Variants in SYNJ1 observed in about 807,000 individuals in gnomAD.
SYNJ1 encodes polyphosphatidylinositol phosphatase SYNJ1.
Under a neutral mutation model 168.2 loss-of-function variants are expected in SYNJ1, and 78 were observed. That is an observed-to-expected ratio of 0.46 (90% CI 0.39 to 0.56). The LOEUF is 0.56. Among genes scored for constraint, SYNJ1 ranks in the 20% least tolerant of loss-of-function variants. The pLI, the probability that SYNJ1 is intolerant of heterozygous loss-of-function variation, is 0.00. For missense variants in SYNJ1, 1,303 were observed against 1,597.6 expected, an observed-to-expected ratio of 0.82 and a Z score of 3.14; for synonymous variants, 539 against 548.6, an observed-to-expected ratio of 0.98 and a Z score of 0.24.
chr21:32,654,685 A>T lies in SYNJ1; in HGVS notation c.2796-1319T>A, dbSNP rs560224528. 3.3e-5 allele frequency among the ~76,000 whole-genome samples: 5 copies of T among 152,282 alleles called. No individual in the cohort carries two copies. The South Asian group carries it at 1.0e-3, about 32-fold the overall frequency. On this transcript the variant is annotated intron_variant, in intron 21 of 32. Transcript: ENST00000674351. ...ACTTTAACAAGGGATTCTGGTTCTTATATCTATTGATTTATGTAAGTTCTT... is the reference window on the plus strand; with the variant it reads ...ACTTTAACAAGGGATTCTGGTTCTTTTATCTATTGATTTATGTAAGTTCTT...
At position 32,645,802 on chromosome 21, in the gene SYNJ1, CAGG is replaced by C. The variant is rs1441504541; in HGVS notation, c.3248-16_3248-14del. The C allele has an allele frequency of 6.7e-7, 1 of 1,492,128 alleles. No individual in the cohort carries two copies. The highest frequency in any genetic ancestry group is 2.3e-5 in the Admixed American group (1 of 43,798). The allele number at this position is 1,492,128 out of a possible 1,614,324, so 92.4% of individuals were successfully genotyped here. A position where few individuals can be genotyped will look rare whatever the true frequency, so the allele number is the denominator to read the frequency against. The stretch of plus-strand genomic sequence containing the variant: ...TCAATAGGAGAACCTAAAAAGCGCA[CAGG>C]AGGTAAGAAGATCAGCTTCTAAGTA... On this transcript the variant is annotated splice_polypyrimidine_tract_variant and intron_variant, in intron 24 of 32. Coordinates refer to ENST00000674351, the MANE Select transcript of SYNJ1 (RefSeq NM_203446.3).
intron 32 of SYNJ1, among the ~76,000 whole-genome samples, chr21:32,634,090 G>C (rs1413477680): frequency 6.6e-6 from 1 of 152,208 alleles, no homozygotes; most frequent in Non-Finnish European, 1.5e-5. Context: ...AGACATTATA[G>C]GAAAGGAGAA....
intron 4 of SYNJ1, 89 bp from the exon 5 acceptor site, chr21:32,695,371 A>T (rs1475649005): frequency 4.1e-6 from 5 of 1,215,270 alleles, no homozygotes; most frequent in Non-Finnish European, 5.6e-6. Flanking sequence ...AATTAATTTA[A>T]TATTATTAAA....
chr21:32,693,406 T>TA (rs1458361287), intron 6 of SYNJ1, among the ~76,000 whole-genome samples: 6 of 152,216 alleles, frequency 3.9e-5, no homozygotes, highest in Non-Finnish European at 8.8e-5. Flanking sequence ...TGTTAACTCT[T>TA]AGACTGTCTT....
chr21:32,678,867 G>GT lies in SYNJ1; in HGVS notation c.1354-67dup. 11 of 1,557,478 alleles carry GT rather than the reference G, an allele frequency of 7.1e-6. No homozygotes were observed. The South Asian group carries it at 1.1e-4, about 16-fold the overall frequency. On this transcript the variant is annotated intron_variant, in intron 11 of 32. Coordinates refer to ENST00000674351, the MANE Select transcript of SYNJ1 (RefSeq NM_203446.3). ...AAATATTACTGATTTTACTCATTAGGTTTTTTGAAATTTTAAATCAGTTTT... is the reference window on the plus strand; with the variant it reads ...AAATATTACTGATTTTACTCATTAGGTTTTTTTGAAATTTTAAATCAGTTTT...
chr21:32,647,355 T>C (rs2040113217), intron 23 of SYNJ1, among the ~76,000 whole-genome samples: 3 of 152,204 alleles, frequency 2.0e-5, no homozygotes, highest in Non-Finnish European at 4.4e-5. Context: ...GTAAGTCAGG[T>C]CCCGCACCAT....
rs144953723 is a variant in SYNJ1, at chr21:32,666,305, A to G, written c.1952+128T>C. ...GGTGAGTCTTTAATCAAAACCCCCA[A>G]AACCCCATTTTAAAACAAGAACTAT... On this transcript the variant is annotated intron_variant, in intron 16 of 32. Transcript: ENST00000674351. 8 of 1,478,848 alleles carry G rather than the reference A, an allele frequency of 5.4e-6. No individual in the cohort carries two copies. In the East Asian group the frequency reaches 1.8e-4, roughly 34 times the overall value. The allele number at this position is 1,478,848 out of a possible 1,614,324, so 91.6% of individuals were successfully genotyped here. A position where few individuals can be genotyped will look rare whatever the true frequency, so the allele number is the denominator to read the frequency against.
At chr21:32,643,044 T>C (rs1041731906) in intron 27 of SYNJ1, among the ~76,000 whole-genome samples, 1 of 152,222 alleles carries the variant, frequency 6.6e-6, no homozygotes, top group African/African-American at 2.4e-5. Context: ...TTATAATCAT[T>C]AATTTTTAAA....
chr21:32,645,770 C>G lies in SYNJ1; in HGVS notation c.3267G>C (p.Gln1089His). The G allele has an allele frequency of 6.8e-7, 1 of 1,469,690 alleles. No homozygotes were observed. The highest frequency in any genetic ancestry group is 2.5e-5 in the East Asian group (1 of 40,176). 91.0% of individuals were successfully genotyped at this position (1,469,690 alleles called of 1,614,324 possible). ...CTTTCTGCGGCAGCGGCGTTGCTGG[C>G]TGCGCGTCAATAGGAGAACCTAAAA... The part of the protein sequence containing the change: ...PSAQSSPIDA[Q>H]PATPLPQKDP... Residue 1089 changes from glutamine to histidine, a missense_variant, in exon 25 of 33, where the codon CAG (glutamine) becomes CAC (histidine). Gln to His is a conservative substitution (Grantham distance 24). This residue lies in a region of SYNJ1 where 383 missense variants were observed against 388.8 expected (regional missense o/e 0.99). Coordinates refer to ENST00000674351, the MANE Select transcript of SYNJ1 (RefSeq NM_203446.3).
intron 8 of SYNJ1, 134 bp from the exon 9 acceptor site, chr21:32,686,051 C>A (rs368097887): frequency 1.2e-6 from 1 of 812,470 alleles, no homozygotes; most frequent in African/African-American, 1.8e-5. Context: ...CTGAGAGATA[C>A]GGTGACACAA....
rs191969474 is a variant in SYNJ1, at chr21:32,650,230, G to A, written c.2991C>T (p.Thr997=). 17 of 1,613,324 alleles carry A rather than the reference G, an allele frequency of 1.1e-5. No homozygotes were observed. In the African/African-American group the frequency reaches 1.1e-4, roughly 10 times the overall value. Reference sequence around the variant, plus strand: ...CAACCTCTGCATCTTCACCAAGCAGGGTAGAGCTTGTTGATGATGGCAATG... The same window carrying A: ...CAACCTCTGCATCTTCACCAAGCAGAGTAGAGCTTGTTGATGATGGCAATG... ...SIALPSSTSS[T]LLGEDAEVAA... is the part of the protein sequence containing the mutation. The change falls in exon 23 of 33, where the codon ACC becomes ACT. Residue 997 remains threonine (T), a synonymous_variant. Transcript: ENST00000674351.
chr21:32,639,161 T>C, intron 30 of SYNJ1, 36 bp from the exon 31 acceptor site: 7 of 1,555,364 alleles, frequency 4.5e-6, no homozygotes, highest in Non-Finnish European at 6.1e-6. Flanking sequence ...TTAGGTATAT[T>C]CTAGAAAACC....
rs1242080370 is a variant in SYNJ1, at chr21:32,673,442, C to T, written c.1624G>A (p.Val542Met). The change falls in exon 14 of 33, where the codon GTG (valine) becomes ATG (methionine). Residue 542 changes from valine to methionine, a missense_variant. This residue lies in a region of SYNJ1 where 920 missense variants were observed against 1,208.8 expected (regional missense o/e 0.76). Transcript: ENST00000674351. The part of the protein sequence containing the change: ...KIRVCVGTWN[V>M]NGGKQFRSIA... Reference sequence around the variant, plus strand: ...CTGCGAAATTGCTTCCCACCATTCACATTCCAGGTTCCGACACATACTCGA... The same window carrying T: ...CTGCGAAATTGCTTCCCACCATTCATATTCCAGGTTCCGACACATACTCGA... The T allele has an allele frequency of 6.2e-7, 1 of 1,613,470 alleles. No individual in the cohort carries two copies. The highest frequency in any genetic ancestry group is 1.7e-5 in the Admixed American group (1 of 59,914).
chr21:32,671,619 T>A (rs902634550), intron 14 of SYNJ1, among the ~76,000 whole-genome samples: 1 of 152,188 alleles, frequency 6.6e-6, no homozygotes, highest in African/African-American at 2.4e-5. Flanking sequence ...TCCTCATCTG[T>A]AAAATTGGAA....
At chr21:32,697,298 G>T (rs2042245090) in intron 4 of SYNJ1, among the ~76,000 whole-genome samples, 2 of 152,146 alleles carry the variant, frequency 1.3e-5, no homozygotes, top group South Asian at 4.2e-4. Flanking sequence ...TAAGTGCAAG[G>T]GTATGCACAA....
rs1356809876 is a variant in SYNJ1 at position 32,645,641 on chromosome 21, G to A, written c.3391+5C>T. ...CTAGCAGAAATGGAAATAAAAGGTT[G>A]TCACCTGAAGGCGGAGGAGGTCTCT... On this transcript the variant is annotated splice_donor_5th_base_variant and intron_variant, in intron 25 of 32. Transcript: ENST00000674351. 6 of 1,527,762 alleles carry A rather than the reference G, an allele frequency of 3.9e-6. No individual in the cohort carries two copies. Among genetic ancestry groups the A allele is most frequent in the Non-Finnish European group, 5.2e-6 (6 of 1,144,568 alleles). 94.6% of individuals were successfully genotyped at this position (1,527,762 alleles called of 1,614,324 possible).
intron 31 of SYNJ1, among the ~76,000 whole-genome samples, chr21:32,636,164 C>T (rs1376296825): frequency 6.6e-6 from 1 of 152,098 alleles, no homozygotes; most frequent in African/African-American, 2.4e-5. Flanking sequence ...GTCTAGAATG[C>T]TGTGATTTTT....
At chr21:32,651,975 T>G (rs1462250927) in intron 22 of SYNJ1, among the ~76,000 whole-genome samples, 1 of 152,238 alleles carries the variant, frequency 6.6e-6, no homozygotes, top group Non-Finnish European at 1.5e-5. Context: ...CCCATTTGTG[T>G]TAATGTGTTT....
At chr21:32,678,620 C>A (rs762368811) in intron 12 of SYNJ1, 25 bp downstream of exon 12, 2 of 1,514,476 alleles carry the variant, frequency 1.3e-6, no homozygotes, top group Non-Finnish European at 1.8e-6. Flanking sequence ...ATATAAATAA[C>A]AAATAAAATA....
Sources: gnomAD v4.1 joint callset for allele counts (sites outside exome capture counted in the v4.1 genomes callset) on GRCh38, gnomAD v4.1.1 for gene constraint, gnomAD v4.1.1 regional missense constraint, MANE v1.5 for transcripts, NCBI Gene and HGNC (gene_info 2026-07-23, HGNC 2026-07-21) for gene names.